Variants in LCMT1 observed in about 807,000 individuals in gnomAD.
The protein encoded by LCMT1 is leucine carboxyl methyltransferase 1, also known as [Phosphatase 2A protein]-leucine-carboxy methyltransferase 1.
LCMT1 carries 32 observed loss-of-function variants against 47.7 expected under a neutral mutation model. That is an observed-to-expected ratio of 0.67 (90% CI 0.51 to 0.90). LCMT1 has a LOEUF of 0.90. LCMT1 is among the 40% of genes least tolerant of loss of function. The pLI, the probability that LCMT1 is intolerant of heterozygous loss-of-function variation, is 0.00. For synonymous variants in LCMT1, 152 were observed against 149.7 expected, an observed-to-expected ratio of 1.02 and a Z score of -0.11; for missense variants, 375 against 415.2, an observed-to-expected ratio of 0.90 and a Z score of 0.84.
intron 9 of LCMT1, chr16:25,174,645 T>G: frequency 5.3e-6 from 1 of 187,452 alleles, no homozygotes; most frequent in South Asian, 1.4e-4. Flanking sequence ...GCCACTAGTT[T>G]TTCTTACTGA....
intron 1 of LCMT1, among the ~76,000 whole-genome samples, chr16:25,124,346 A>G (rs1234589441): frequency 6.6e-6 from 1 of 152,234 alleles, no homozygotes; most frequent in Non-Finnish European, 1.5e-5. Context: ...TGAGGGAAAA[A>G]ACAAGTGTGT....
Position 25,111,970 on chromosome 16 carries a change from C to T in LCMT1, c.87C>T (p.Thr29=), listed in dbSNP as rs1290171748. Reference sequence around the variant, plus strand: ...CAGACGACGAGGGCGTGCGCGGCACCTGCGAAGATGCTTCCCTGTGCAAGA... The same window carrying T: ...CAGACGACGAGGGCGTGCGCGGCACTTGCGAAGATGCTTCCCTGTGCAAGA... ...CDADDEGVRG[T]CEDASLCKRF... The change falls in exon 1 of 11, where the codon ACC becomes ACT. Residue 29 remains threonine, a synonymous_variant. Coordinates refer to ENST00000399069, the MANE Select transcript of LCMT1 (RefSeq NM_016309.3). The T allele has an allele frequency of 1.9e-6, 3 of 1,613,466 alleles. No homozygotes were observed. The highest frequency in any genetic ancestry group is 2.5e-6 in the Non-Finnish European group (3 of 1,179,654).
intron 5 of LCMT1, among the ~76,000 whole-genome samples, chr16:25,156,624 G>C (rs1369044370): frequency 1.3e-5 from 2 of 152,200 alleles, no homozygotes; most frequent in Non-Finnish European, 2.9e-5. Context: ...GGCTCGGGTG[G>C]CAGGAGGTGC....
intron 1 of LCMT1, among the ~76,000 whole-genome samples, chr16:25,127,705 T>G (rs1222809651): frequency 6.6e-6 from 1 of 152,116 alleles, no homozygotes; most frequent in Non-Finnish European, 1.5e-5. Context: ...GCTAAAAGGG[T>G]GAAGGCACTT....
At chr16:25,151,438 C>A in intron 4 of LCMT1, 116 bp from the exon 5 acceptor site, 3 of 857,378 alleles carry the variant, frequency 3.5e-6, no homozygotes, top group Non-Finnish European at 3.8e-6. Flanking sequence ...TGAACAATAG[C>A]AAATATATAT....
chr16:25,120,419 T>C (rs1318378178), intron 1 of LCMT1, among the ~76,000 whole-genome samples: 2 of 150,114 alleles, frequency 1.3e-5, no homozygotes, highest in Admixed American at 6.6e-5. Flanking sequence ...TGATTTCTTT[T>C]TTTTTCTTTT....
At chr16:25,117,550 G>A (rs1437857798) in intron 1 of LCMT1, among the ~76,000 whole-genome samples, 1 of 152,042 alleles carries the variant, frequency 6.6e-6, no homozygotes, top group African/African-American at 2.4e-5. Context: ...TGGTGCCATG[G>A]TTTATTCAGT....
intron 4 of LCMT1, chr16:25,144,137 A>C (rs1404894810): frequency 6.6e-6 from 1 of 152,376 alleles, no homozygotes; most frequent in Admixed American, 6.5e-5. Context: ...TGCCGCTTCC[A>C]GGAGAAGTTG....
chr16:25,132,631 T>A, intron 3 of LCMT1, 108 bp downstream of exon 3: 1 of 1,227,488 alleles, frequency 8.1e-7, no homozygotes, highest in Non-Finnish European at 1.1e-6. Flanking sequence ...AGCGAAAGCC[T>A]GTCTCCCACC....
rs145470232 is a variant in LCMT1, at chr16:25,131,018, A to G, written c.206-1384A>G. Among the ~76,000 whole-genome samples, 792 of 152,326 alleles carry G rather than the reference A, an allele frequency of 5.2e-3. 6 individuals are homozygous for G. The highest frequency in any genetic ancestry group is 0.018 in the African/African-American group (749 of 41,560). ...CTTTTTGATGCCTTATTTTAGTGTT[A>G]ATGACACTATTAGGCTCTGCAGATA... On this transcript the variant is annotated intron_variant, in intron 2 of 10. Coordinates refer to ENST00000399069, the MANE Select transcript of LCMT1 (RefSeq NM_016309.3).
At chr16:25,112,172 G>A (rs539221392) in intron 1 of LCMT1, among the ~76,000 whole-genome samples, 176 bp downstream of exon 1, 3 of 152,218 alleles carry the variant, frequency 2.0e-5, no homozygotes, top group Non-Finnish European at 4.4e-5. Context: ...TTAACGAATC[G>A]TTTCTGAGCT....
chr16:25,116,415 G>A (rs916250725), intron 1 of LCMT1, among the ~76,000 whole-genome samples: 1 of 152,156 alleles, frequency 6.6e-6, no homozygotes, highest in African/African-American at 2.4e-5. Flanking sequence ...AGGTGGTCTC[G>A]TTTCATCTCC....
intron 1 of LCMT1, among the ~76,000 whole-genome samples, chr16:25,112,512 GTGGGGA>G (rs1285411276): frequency 6.6e-6 from 1 of 152,238 alleles, no homozygotes; most frequent in Non-Finnish European, 1.5e-5. Context: ...GGGTGTGGTG[GTGGGGA>G]TGGGGGCGTA....
chr16:25,113,112 A>C (rs986896455), intron 1 of LCMT1, among the ~76,000 whole-genome samples: 5 of 137,916 alleles, frequency 3.6e-5, no homozygotes, highest in African/African-American at 1.4e-4. Context: ...TTGCACTCCA[A>C]CCTGGATGAG....
At chr16:25,151,760 G>C in intron 5 of LCMT1, 145 bp downstream of exon 5, 1 of 580,666 alleles carries the variant, frequency 1.7e-6, no homozygotes, top group Non-Finnish European at 2.9e-6. Flanking sequence ...AGAATGACGA[G>C]GTTCATAAAT....
chr16:25,157,309 A>G (rs1961289113), intron 5 of LCMT1, among the ~76,000 whole-genome samples: 1 of 152,072 alleles, frequency 6.6e-6, no homozygotes, highest in Admixed American at 6.6e-5. Flanking sequence ...TCTGGGAGGC[A>G]GAGGCAGGAG....
intron 1 of LCMT1, among the ~76,000 whole-genome samples, chr16:25,122,391 G>C (rs1404219832): frequency 6.6e-6 from 1 of 152,114 alleles, no homozygotes; most frequent in Non-Finnish European, 1.5e-5. Context: ...CTGCAGCCTT[G>C]ACCTCCCTGG....
At chr16:25,175,406 T>C (rs1961900047) in intron 10 of LCMT1, among the ~76,000 whole-genome samples, 1 of 151,626 alleles carries the variant, frequency 6.6e-6, no homozygotes, top group African/African-American at 2.4e-5. Flanking sequence ...GGCAGATCAC[T>C]TGAGGTCAGG....
chr16:25,155,121 C>T (rs889808597), intron 5 of LCMT1, among the ~76,000 whole-genome samples: 2 of 152,164 alleles, frequency 1.3e-5, no homozygotes, highest in Non-Finnish European at 2.9e-5. Context: ...TAAGCTGACA[C>T]ATCACCAACT....
Sources: gnomAD v4.1 joint callset for allele counts (sites outside exome capture counted in the v4.1 genomes callset) on GRCh38, gnomAD v4.1.1 for gene constraint, MANE v1.5 for transcripts, NCBI Gene and HGNC (gene_info 2026-07-23, HGNC 2026-07-21) for gene names.